Variants in FAM216A observed in about 807,000 individuals in gnomAD.
FAM216A encodes the protein family with sequence similarity 216 member A.
FAM216A carries 26 observed loss-of-function variants against 37.6 expected under a neutral mutation model. The observed-to-expected ratio is 0.69, with a 90% confidence interval of 0.51 to 0.96. The LOEUF (loss-of-function observed/expected upper bound fraction) is 0.96. Ranked by LOEUF, FAM216A falls within the 40% of genes least tolerant of loss-of-function variation. The probability of loss-of-function intolerance (pLI) is 0.00; values close to 1 mark genes in which losing one functional copy is unlikely to be tolerated. For synonymous variants in FAM216A, 110 were observed against 121.7 expected, an observed-to-expected ratio of 0.90 and a Z score of 0.64; for missense variants, 326 against 339.3, an observed-to-expected ratio of 0.96 and a Z score of 0.31.
chr12:110,487,576 C>A, intron 5 of FAM216A: 1 of 310,520 alleles, frequency 3.2e-6, no homozygotes, highest in South Asian at 4.9e-5. Flanking sequence ...TCCCACTCAA[C>A]CTCAAAATAA....
intron 2 of FAM216A, among the ~76,000 whole-genome samples, chr12:110,484,675 ACAGTCTC>A (rs2062766741): frequency 6.6e-6 from 1 of 151,924 alleles, no homozygotes; most frequent in Non-Finnish European, 1.5e-5. Flanking sequence ...GGCATACCAT[ACAGTCTC>A]TTCAAATTTA....
chr12:110,485,328 G>A, intron 3 of FAM216A, 129 bp downstream of exon 3: 1 of 683,146 alleles, frequency 1.5e-6, no homozygotes, highest in South Asian at 2.3e-5. Flanking sequence ...AATTGTCTAG[G>A]AGTCAATAAA....
At chr12:110,482,373 C>T (rs1452929243) in intron 2 of FAM216A, among the ~76,000 whole-genome samples, 6 of 152,032 alleles carry the variant, frequency 3.9e-5, no homozygotes, top group South Asian at 2.1e-4. Context: ...CCACCACACC[C>T]GGACGCAAAC....
At chr12:110,486,960 G>A in intron 5 of FAM216A, 1 of 429,880 alleles carries the variant, frequency 2.3e-6, no homozygotes, top group South Asian at 3.2e-5. Context: ...ATCTCACTAT[G>A]TTGGCCAAGG....
chr12:110,473,591 T>C (rs902361663), intron 2 of FAM216A, among the ~76,000 whole-genome samples: 4 of 151,806 alleles, frequency 2.6e-5, no homozygotes, highest in Non-Finnish European at 4.4e-5. Context: ...ATCAGGGAGG[T>C]TTTTCTTGTC....
chr12:110,486,433 C>G lies in FAM216A; in HGVS notation c.415C>G (p.Gln139Glu), dbSNP rs779315967. The G allele has an allele frequency of 6.2e-7, 1 of 1,612,794 alleles. No homozygotes were observed. Among genetic ancestry groups the G allele is most frequent in the Non-Finnish European group, 8.5e-7 (1 of 1,179,076 alleles). Residue 139 changes from glutamine (Q) to glutamate (E), a missense_variant, in exon 4 of 7, where the codon CAG becomes GAG. Transcript: ENST00000377673. ...LMKRQYMHVL[Q>E]HSSQKPGVLT... The stretch of plus-strand genomic sequence containing the variant: ...GAAGAGGCAGTACATGCACGTACTT[C>G]AGCACAGCTCACAAAAGCCAGGCAG...
chr12:110,471,335 C>A (rs111546365), intron 1 of FAM216A, among the ~76,000 whole-genome samples: 3 of 152,158 alleles, frequency 2.0e-5, no homozygotes, highest in African/African-American at 7.2e-5. Context: ...GTGATCCACC[C>A]GCCTCGGCCT....
intron 2 of FAM216A, among the ~76,000 whole-genome samples, chr12:110,478,061 A>G (rs2062724794): frequency 6.6e-6 from 1 of 152,136 alleles, no homozygotes; most frequent in African/African-American, 2.4e-5. Flanking sequence ...ATGGCTTTCT[A>G]ATGAAGAGCT....
At chr12:110,485,314 G>C in intron 3 of FAM216A, 115 bp downstream of exon 3, 1 of 816,044 alleles carries the variant, frequency 1.2e-6, no homozygotes, top group Non-Finnish European at 1.9e-6. Flanking sequence ...GGCATATGCA[G>C]TATAATTGTC....
chr12:110,473,020 C>T (rs569718067), intron 1 of FAM216A, 58 bp from the exon 2 acceptor site: 3 of 449,030 alleles, frequency 6.7e-6, no homozygotes, highest in East Asian at 4.8e-5. Flanking sequence ...ATATGTTGTT[C>T]AGTGCTTGTA....
At position 110,486,424 on chromosome 12, in the gene FAM216A, C is replaced by T. The variant is rs1307210010; in HGVS notation, c.406C>T (p.His136Tyr). ...LKMLMKRQYM[H>Y]VLQHSSQKPG... ...GATGTTAATGAAGAGGCAGTACATG[C>T]ACGTACTTCAGCACAGCTCACAAAA... The change falls in exon 4 of 7, where the codon CAC becomes TAC. Residue 136 changes from histidine (H) to tyrosine (Y), a missense_variant. His to Tyr is a moderately conservative substitution (Grantham distance 83). Coordinates refer to ENST00000377673, the MANE Select transcript of FAM216A (RefSeq NM_013300.3). 6.2e-7 allele frequency: 1 copy of T among 1,613,932 alleles called. No homozygotes were observed. The highest frequency in any genetic ancestry group is 8.5e-7 in the Non-Finnish European group (1 of 1,179,850).
chr12:110,473,555 C>T (rs1175615272), intron 2 of FAM216A, among the ~76,000 whole-genome samples: 2 of 152,152 alleles, frequency 1.3e-5, no homozygotes, highest in East Asian at 3.8e-4. Flanking sequence ...CCTTGGTGAA[C>T]TTAGTCTTTA....
chr12:110,490,126 A>ATGT lies in FAM216A; in HGVS notation c.813_815dup (p.Leu272dup). ...AATTGAAGAACAGGGAGAACATCTGATGTTAACTTGACAGTCTTGTCTCGT... is the reference window on the plus strand; with the variant it reads ...AATTGAAGAACAGGGAGAACATCTGATGTTGTTAACTTGACAGTCTTGTCTCGT... On this transcript the variant is annotated inframe_insertion, in exon 7 of 7. Coordinates refer to ENST00000377673, the MANE Select transcript of FAM216A (RefSeq NM_013300.3). 6.6e-7 allele frequency: 1 copy of ATGT among 1,510,620 alleles called. No homozygotes were observed. Among genetic ancestry groups the ATGT allele is most frequent in the Non-Finnish European group, 9.2e-7 (1 of 1,085,568 alleles). 93.6% of individuals were successfully genotyped at this position (1,510,620 alleles called of 1,614,324 possible).
chr12:110,488,410 CAAAA>C (rs572459416), intron 6 of FAM216A, among the ~76,000 whole-genome samples: 1 of 51,010 alleles, frequency 2.0e-5, no homozygotes, highest in Non-Finnish European at 4.1e-5. Flanking sequence ...GACTCCATCT[CAAAA>C]AAAAAAAAAA....
chr12:110,484,426 CAAAAAAAA>C (rs61648841), intron 2 of FAM216A, among the ~76,000 whole-genome samples: 75 of 51,268 alleles, frequency 1.5e-3, no homozygotes, highest in African/African-American at 4.3e-3. Flanking sequence ...GACTCCGTCT[CAAAAAAAA>C]AAAAAAAAAA....
Position 110,469,033 on chromosome 12 carries a change from C to A in FAM216A, c.143+15C>A. The A allele has an allele frequency of 6.9e-7, 1 of 1,452,902 alleles. No homozygotes were observed. The highest frequency in any genetic ancestry group is 9.1e-7 in the Non-Finnish European group (1 of 1,104,176). 90.0% of individuals were successfully genotyped at this position (1,452,902 alleles called of 1,614,324 possible). Reference sequence around the variant, plus strand: ...GGCGGCGGCGGGTGAGGTTGGGGGCCCCGGGGTAAGGGTGGCAGCATGGGG... The same window carrying A: ...GGCGGCGGCGGGTGAGGTTGGGGGCACCGGGGTAAGGGTGGCAGCATGGGG... On this transcript the variant is annotated intron_variant, in intron 1 of 6. Transcript: ENST00000377673.
Position 110,468,900 on chromosome 12 carries a change from A to C in FAM216A, c.25A>C (p.Thr9Pro). Residue 9 changes from threonine (T) to proline (P), a missense_variant, in exon 1 of 7, where the codon ACG (threonine) becomes CCG (proline). Physicochemically the swap from Thr to Pro is conservative, Grantham distance 38. Coordinates refer to ENST00000377673, the MANE Select transcript of FAM216A (RefSeq NM_013300.3). Reference sequence around the variant, plus strand: ...GATGCTGGGACAGCTGCTCCCGCACACGGCTCGCGGTCTCGGCGCCGCGGA... The same window carrying C: ...GATGCTGGGACAGCTGCTCCCGCACCCGGCTCGCGGTCTCGGCGCCGCGGA... MLGQLLPH[T>P]ARGLGAAEMP... 1 of 1,518,524 alleles carries C rather than the reference A, an allele frequency of 6.6e-7. No individual in the cohort carries two copies. The allele number at this position is 1,518,524 out of a possible 1,614,324, so 94.1% of individuals were successfully genotyped here. A position where few individuals can be genotyped will look rare whatever the true frequency, so the allele number is the denominator to read the frequency against.
chr12:110,472,690 T>C (rs193152581), intron 1 of FAM216A, among the ~76,000 whole-genome samples: 2 of 152,172 alleles, frequency 1.3e-5, no homozygotes, highest in Admixed American at 1.3e-4. Flanking sequence ...TTTTTTAAAA[T>C]TTGAAATATG....
intron 2 of FAM216A, among the ~76,000 whole-genome samples, chr12:110,476,823 G>A (rs918878225): frequency 3.9e-5 from 6 of 151,992 alleles, no homozygotes; most frequent in African/African-American, 7.3e-5. Context: ...CACCGCGCCC[G>A]GCCGACATTG....
Sources: gnomAD v4.1 joint callset for allele counts (sites outside exome capture counted in the v4.1 genomes callset) on GRCh38, gnomAD v4.1.1 for gene constraint, MANE v1.5 for transcripts, NCBI Gene and HGNC (gene_info 2026-07-23, HGNC 2026-07-21) for gene names.